PARVA: variants seen among roughly 807,000 people sequenced by gnomAD.
PARVA encodes the protein parvin alpha, also known as alpha-parvin.
A neutral mutation model predicts 52.6 loss-of-function variants in PARVA; 25 were observed. The ratio of observed to expected loss-of-function variants is 0.48; its 90% CI spans 0.35 to 0.66. The LOEUF (loss-of-function observed/expected upper bound fraction) is 0.66. PARVA is among the 30% of genes least tolerant of loss of function. The probability of loss-of-function intolerance (pLI) is 0.01; values close to 1 mark genes in which losing one functional copy is unlikely to be tolerated. For missense variants in PARVA, 373 were observed against 450.9 expected (o/e 0.83, Z 1.56); for synonymous variants, 185 against 179.1 (o/e 1.03, Z -0.26).
intron 1 of PARVA, among the ~76,000 whole-genome samples, chr11:12,443,232 T>C (rs149506274): frequency 7.3e-6 from 1 of 136,480 alleles, no homozygotes; most frequent in Non-Finnish European, 1.5e-5. Context: ...AGTGCAGTGG[T>C]GCAATCTCAG....
intron 1 of PARVA, among the ~76,000 whole-genome samples, chr11:12,434,000 AAGG>A (rs963547592): frequency 1.7e-4 from 26 of 152,272 alleles, no homozygotes; most frequent in African/African-American, 5.3e-4. Context: ...AGATAAAAAT[AAGG>A]AGAAAAATGT....
chr11:12,451,307 G>A (rs1352711991), intron 1 of PARVA, among the ~76,000 whole-genome samples: 1 of 152,184 alleles, frequency 6.6e-6, no homozygotes, highest in Non-Finnish European at 1.5e-5. Flanking sequence ...AAAAGCTCAT[G>A]AGTATGTTAA....
intron 1 of PARVA, among the ~76,000 whole-genome samples, chr11:12,409,522 A>G (rs1939962876): frequency 6.6e-6 from 1 of 152,210 alleles, no homozygotes; most frequent in Non-Finnish European, 1.5e-5. Flanking sequence ...AGTGTCCTTA[A>G]AAGTGGAAGA....
intron 4 of PARVA, among the ~76,000 whole-genome samples, chr11:12,489,032 G>A (rs1474362683): frequency 1.3e-5 from 2 of 151,916 alleles, no homozygotes; most frequent in African/African-American, 2.4e-5. Flanking sequence ...ATTAGAAACT[G>A]TTGAGCTATA....
At chr11:12,438,380 T>C (rs1259690297) in intron 1 of PARVA, among the ~76,000 whole-genome samples, 1 of 152,002 alleles carries the variant, frequency 6.6e-6, no homozygotes, top group African/African-American at 2.4e-5. Context: ...CTTTATCCTA[T>C]GATGAGAGAG....
Position 12,421,668 on chromosome 11 carries a change from A to G in PARVA, c.136+43885A>G, listed in dbSNP as rs78008197. 7.2e-3 allele frequency among the ~76,000 whole-genome samples: 1,101 copies of G among 152,324 alleles called. 9 individuals carry two copies. The highest frequency in any genetic ancestry group is 0.027 in the Middle Eastern group (8 of 294). Reference sequence around the variant, plus strand: ...GTCACAAACCAGGCTCTCACCAGCAATGCTCTAGTTGTAGTGTTTTTAGTT... The same window carrying G: ...GTCACAAACCAGGCTCTCACCAGCAGTGCTCTAGTTGTAGTGTTTTTAGTT... On this transcript the variant is annotated intron_variant, in intron 1 of 12. Transcript: ENST00000334956.
At chr11:12,508,105 AAAAAAAAAAAAAAAAAACC>A (rs1474454481) in intron 6 of PARVA, among the ~76,000 whole-genome samples, 84 of 126,562 alleles carry the variant, frequency 6.6e-4, no homozygotes, top group African/African-American at 2.8e-3. Context: ...CAGTTAAAAA[AAAAAAAAAAAAAAAAAACC>A]AAAAAAAAAA....
chr11:12,388,864 C>T (rs534164533), intron 1 of PARVA, among the ~76,000 whole-genome samples: 19 of 152,080 alleles, frequency 1.2e-4, no homozygotes, highest in African/African-American at 4.3e-4. Context: ...ACTTTGGTCT[C>T]ATTTTTTTTC....
intron 10 of PARVA, among the ~76,000 whole-genome samples, chr11:12,514,677 G>A (rs1941547373): frequency 6.6e-6 from 1 of 152,192 alleles, no homozygotes; most frequent in Admixed American, 6.5e-5. Context: ...AGTAGAGACG[G>A]GGTTTCACCA....
At chr11:12,516,254 A>C (rs759920265) in intron 10 of PARVA, among the ~76,000 whole-genome samples, 8 of 152,208 alleles carry the variant, frequency 5.3e-5, no homozygotes, top group Non-Finnish European at 1.2e-4. Flanking sequence ...CTGGGCTCCT[A>C]AGGTGATTCC....
intron 1 of PARVA, among the ~76,000 whole-genome samples, chr11:12,387,805 C>G (rs1158995702): frequency 6.6e-6 from 1 of 151,870 alleles, no homozygotes; most frequent in Non-Finnish European, 1.5e-5. Context: ...AATGTGAAGG[C>G]CGGTTGACTT....
chr11:12,526,955 C>G (rs538209715), intron 12 of PARVA, among the ~76,000 whole-genome samples: 9 of 152,076 alleles, frequency 5.9e-5, no homozygotes, highest in African/African-American at 2.2e-4. Flanking sequence ...GGAGGAAGGG[C>G]TAAGCACAGT....
Position 12,508,604 on chromosome 11 carries a change from G to A in PARVA, c.678G>A (p.Gln226=). The A allele has an allele frequency of 2.5e-6, 4 of 1,609,412 alleles. No homozygotes were observed. The South Asian group carries it at 4.4e-5, about 18-fold the overall frequency. ...VVVQKREGIL[Q]SRQIQEEITG... ...TTCAGAAACGAGAAGGAATCCTCCA[G>A]TCTCGGCAAATCCAAGAGGAAATAA... Residue 226 remains glutamine, a synonymous_variant, in exon 7 of 13, where the codon CAG becomes CAA. Transcript: ENST00000334956.
Position 12,517,645 on chromosome 11 carries a change from G to A in PARVA, c.903G>A (p.Gly301=), listed in dbSNP as rs1941586833. The change falls in exon 11 of 13, where the codon GGG becomes GGA. Residue 301 remains glycine, a synonymous_variant. Transcript: ENST00000334956. ...ADGVYLVLLM[G]LLEGYFVPLH... is the part of the protein sequence containing the mutation. ...GGGTGTACCTGGTGCTGCTCATGGG[G>A]CTCCTGGAGGGCTACTTTGTGCCCC... 2 of 1,604,734 alleles carry A rather than the reference G, an allele frequency of 1.2e-6. No individual in the cohort carries two copies. Among genetic ancestry groups the A allele is most frequent in the Non-Finnish European group, 1.7e-6 (2 of 1,175,532 alleles).
chr11:12,381,837 A>C (rs180718221), intron 1 of PARVA, among the ~76,000 whole-genome samples: 1 of 152,186 alleles, frequency 6.6e-6, no homozygotes, highest in African/African-American at 2.4e-5. Flanking sequence ...ACCTCAACCT[A>C]TGGTACACAT....
rs1357919133 is a variant in PARVA at position 12,531,879 on chromosome 11, C to A, written c.*3954C>A. 6.6e-6 allele frequency among the ~76,000 whole-genome samples: 1 copy of A among 152,110 alleles called. No individual in the cohort carries two copies. Among genetic ancestry groups the A allele is most frequent in the Non-Finnish European group, 1.5e-5 (1 of 68,026 alleles). On this transcript the variant is annotated 3_prime_UTR_variant, in exon 13 of 13. Coordinates refer to ENST00000334956, the MANE Select transcript of PARVA (RefSeq NM_018222.5). ...ACTCACCACCTATGGGACCTGCCTC[C>A]ACACATCAGCTTCCCAAATACTTGC...
chr11:12,426,173 G>A (rs1341253760), intron 1 of PARVA, among the ~76,000 whole-genome samples: 1 of 152,222 alleles, frequency 6.6e-6, no homozygotes, highest in Non-Finnish European at 1.5e-5. Flanking sequence ...GAATGACAAT[G>A]ACATGGACCA....
rs142121940 is a variant in PARVA at position 12,385,853 on chromosome 11, G to A, written c.136+8070G>A. ...AAAAACCATTCTTAGCACTTGGGCT[G>A]TACAAAATAGATGGCAGCCTGCACA... On this transcript the variant is annotated intron_variant, in intron 1 of 12. Transcript: ENST00000334956. Among the ~76,000 whole-genome samples, 27 of 152,308 alleles carry A rather than the reference G, an allele frequency of 1.8e-4. No individual in the cohort carries two copies. The East Asian group carries it at 3.3e-3, about 19-fold the overall frequency.
chr11:12,459,492 TC>T (rs1245620135), intron 1 of PARVA, among the ~76,000 whole-genome samples: 1 of 152,032 alleles, frequency 6.6e-6, no homozygotes, highest in African/African-American at 2.4e-5. Flanking sequence ...GTGCACGAGT[TC>T]CCAGAGGCCC....
Sources: gnomAD v4.1 joint callset for allele counts (sites outside exome capture counted in the v4.1 genomes callset) on GRCh38, gnomAD v4.1.1 for gene constraint, MANE v1.5 for transcripts, NCBI Gene and HGNC (gene_info 2026-07-23, HGNC 2026-07-21) for gene names.